KCND2: variants seen among roughly 807,000 people sequenced by gnomAD.
The protein encoded by KCND2 is A-type voltage-gated potassium channel KCND2.
In KCND2, 16 loss-of-function variants were observed where a neutral mutation model predicts 54.4. That is an observed-to-expected ratio of 0.29 (90% CI 0.20 to 0.45). The LOEUF (loss-of-function observed/expected upper bound fraction) is 0.45. Ranked by LOEUF, KCND2 falls within the 20% of genes least tolerant of loss-of-function variation. KCND2 has a pLI of 1.00. For missense variants in KCND2, 486 were observed against 824.2 expected (o/e 0.59, Z 5.02); for synonymous variants, 317 against 310.7 (o/e 1.02, Z -0.21).
At chr7:120,570,717 G>T (rs1030901707) in intron 1 of KCND2, among the ~76,000 whole-genome samples, 2 of 151,942 alleles carry the variant, frequency 1.3e-5, no homozygotes, top group East Asian at 1.9e-4. Context: ...CCATTATTTA[G>T]TATAGTTTTA....
chr7:120,686,710 A>G (rs189458195), intron 1 of KCND2, among the ~76,000 whole-genome samples: 1 of 152,264 alleles, frequency 6.6e-6, no homozygotes, highest in African/African-American at 2.4e-5. Context: ...GGGAAGGGCT[A>G]CAAGCACAGG....
chr7:120,583,818 A>G (rs979894823), intron 1 of KCND2, among the ~76,000 whole-genome samples: 4 of 152,032 alleles, frequency 2.6e-5, no homozygotes, highest in Non-Finnish European at 4.4e-5. Context: ...CATAAAATTT[A>G]AGTAGCAAAG....
chr7:120,584,371 T>C (rs2116448149), intron 1 of KCND2, among the ~76,000 whole-genome samples: 1 of 152,334 alleles, frequency 6.6e-6, no homozygotes, highest in Admixed American at 6.5e-5. Context: ...TTTTAAAGTT[T>C]CCTTGCTGCT....
chr7:120,553,034 T>C (rs112049463), intron 1 of KCND2, among the ~76,000 whole-genome samples: 13 of 152,238 alleles, frequency 8.5e-5, no homozygotes, highest in African/African-American at 2.9e-4. Context: ...TAGTTACTTT[T>C]TTCATTGGTG....
At chr7:120,304,033 A>G (rs959877416) in intron 1 of KCND2, among the ~76,000 whole-genome samples, 1 of 152,140 alleles carries the variant, frequency 6.6e-6, no homozygotes, top group Non-Finnish European at 1.5e-5. Context: ...AGTGTCAAAA[A>G]TTATTCTGAA....
At chr7:120,654,648 A>G (rs964438385) in intron 1 of KCND2, among the ~76,000 whole-genome samples, 1 of 152,202 alleles carries the variant, frequency 6.6e-6, no homozygotes, top group Non-Finnish European at 1.5e-5. Flanking sequence ...TGCATGTTCA[A>G]ATAATTACAA....
intron 1 of KCND2, among the ~76,000 whole-genome samples, chr7:120,417,937 G>C (rs1801547466): frequency 6.6e-6 from 1 of 152,064 alleles, no homozygotes; most frequent in African/African-American, 2.4e-5. Context: ...TCTTTTAATG[G>C]CCCTTTATTT....
chr7:120,403,082 A>G (rs1801288182), intron 1 of KCND2, among the ~76,000 whole-genome samples: 1 of 152,172 alleles, frequency 6.6e-6, no homozygotes. Context: ...GTCCATATGT[A>G]AAGATGACTT....
At chr7:120,469,146 G>A (rs1281754550) in intron 1 of KCND2, among the ~76,000 whole-genome samples, 2 of 151,968 alleles carry the variant, frequency 1.3e-5, no homozygotes, top group Admixed American at 6.6e-5. Context: ...CATTTTATTG[G>A]TATAAATTCT....
chr7:120,648,216 A>C (rs1447251057), intron 1 of KCND2, among the ~76,000 whole-genome samples: 1 of 152,180 alleles, frequency 6.6e-6, no homozygotes, highest in Non-Finnish European at 1.5e-5. Flanking sequence ...AATATTTATA[A>C]TTAAAAAGAT....
chr7:120,387,455 CTATATT>C (rs1160689704), intron 1 of KCND2, among the ~76,000 whole-genome samples: 3 of 151,834 alleles, frequency 2.0e-5, no homozygotes, highest in Non-Finnish European at 4.4e-5. Flanking sequence ...ATTGGAGTGA[CTATATT>C]TATTGCCTAT....
At chr7:120,563,956 A>G (rs748016935) in intron 1 of KCND2, among the ~76,000 whole-genome samples, 2 of 152,184 alleles carry the variant, frequency 1.3e-5, no homozygotes, top group Admixed American at 6.5e-5. Flanking sequence ...CTCTTTACAT[A>G]TAATCTATCT....
At chr7:120,484,041 A>T (rs183700676) in intron 1 of KCND2, among the ~76,000 whole-genome samples, 1 of 152,262 alleles carries the variant, frequency 6.6e-6, no homozygotes, top group East Asian at 1.9e-4. Context: ...CTGGAGATAA[A>T]TAAAAGACAA....
At chr7:120,662,913 C>T (rs1791883619) in intron 1 of KCND2, among the ~76,000 whole-genome samples, 1 of 152,066 alleles carries the variant, frequency 6.6e-6, no homozygotes, top group Non-Finnish European at 1.5e-5. Flanking sequence ...TGCTTTCAGG[C>T]TAGGAAAACG....
intron 1 of KCND2, among the ~76,000 whole-genome samples, chr7:120,603,216 A>G (rs1016695278): frequency 1.3e-5 from 2 of 152,212 alleles, no homozygotes; most frequent in African/African-American, 2.4e-5. Flanking sequence ...ATGGATTTCT[A>G]TGAAGCTCAA....
chr7:120,357,896 C>T (rs527863734), intron 1 of KCND2, among the ~76,000 whole-genome samples: 1 of 152,044 alleles, frequency 6.6e-6, no homozygotes, highest in African/African-American at 2.4e-5. Context: ...TTTAAAGGAC[C>T]TATCTCTCAA....
chr7:120,427,997 C>T (rs1257391597), intron 1 of KCND2, among the ~76,000 whole-genome samples: 1 of 152,078 alleles, frequency 6.6e-6, no homozygotes, highest in African/African-American at 2.4e-5. Flanking sequence ...AATTGGTTTA[C>T]ATCTTATATG....
At chr7:120,445,322 C>T (rs1435136586) in intron 1 of KCND2, among the ~76,000 whole-genome samples, 1 of 152,078 alleles carries the variant, frequency 6.6e-6, no homozygotes, top group African/African-American at 2.4e-5. Context: ...TCTAAAATTT[C>T]AGGATGGACT....
chr7:120,425,039 GA>G (rs1801684431), intron 1 of KCND2, among the ~76,000 whole-genome samples: 1 of 152,180 alleles, frequency 6.6e-6, no homozygotes, highest in African/African-American at 2.4e-5. Flanking sequence ...TGAAACTTCA[GA>G]ATCATTTCTC....
Sources: gnomAD v4.1 joint callset for allele counts (sites outside exome capture counted in the v4.1 genomes callset) on GRCh38, gnomAD v4.1.1 for gene constraint, MANE v1.5 for transcripts, NCBI Gene and HGNC (gene_info 2026-07-23, HGNC 2026-07-21) for gene names.